The following PUS10 variants were observed in gnomAD, a reference collection of about 807,000 sequenced individuals.
PUS10 encodes tRNA pseudouridine synthase Pus10.
A neutral mutation model predicts 75.0 loss-of-function variants in PUS10; 59 were observed. The observed-to-expected ratio is 0.79, with a 90% confidence interval of 0.64 to 0.98. The LOEUF (loss-of-function observed/expected upper bound fraction) is 0.98. Ranked by LOEUF, PUS10 falls within the 50% of genes least tolerant of loss-of-function variation. The probability of loss-of-function intolerance (pLI) is 0.00; values close to 1 mark genes in which losing one functional copy is unlikely to be tolerated. For missense variants in PUS10, 650 were observed against 614.4 expected (o/e 1.06, Z -0.61); for synonymous variants, 219 against 211.6 (o/e 1.03, Z -0.30).
At chr2:60,967,440 A>G (rs1270180916) in intron 6 of PUS10, 62 bp downstream of exon 6, 1 of 1,144,656 alleles carries the variant, frequency 8.7e-7, no homozygotes, top group African/African-American at 1.6e-5. Flanking sequence ...AAACCCTGCC[A>G]TATAATTAAG....
intron 6 of PUS10, 161 bp from the exon 7 acceptor site, chr2:60,965,645 C>A (rs968945891): frequency 3.9e-6 from 2 of 517,514 alleles, no homozygotes; most frequent in Non-Finnish European, 3.4e-6. Context: ...ATCAGGGCAG[C>A]TGTAAAGGAA....
intron 4 of PUS10, among the ~76,000 whole-genome samples, chr2:60,996,264 T>C (rs374847523): frequency 6.6e-6 from 1 of 152,206 alleles, no homozygotes; most frequent in Admixed American, 6.5e-5. Context: ...TCTTTGATAG[T>C]TGGACTTCTG....
rs1436202622 is a variant in PUS10, at chr2:61,011,771, T to C, written c.120A>G (p.Pro40=). 1.0e-5 allele frequency: 16 copies of C among 1,567,132 alleles called. No individual in the cohort carries two copies. The African/African-American group carries it at 1.1e-4, about 11-fold the overall frequency. The part of the protein sequence containing the change: ...GVDFHAPYKL[P]YKELLNELQK... ...AAAAAAGAAAAGAAAATACCTTGTA[T>C]GGAAGTTTGTAAGGTGCATGAAAAT... Residue 40 remains proline (P), a synonymous_variant, in exon 2 of 18, where the codon CCA becomes CCG. Coordinates refer to ENST00000316752, the MANE Select transcript of PUS10 (RefSeq NM_144709.4).
intron 11 of PUS10, 25 bp downstream of exon 11, chr2:60,960,367 A>C (rs755166989): frequency 4.0e-5 from 59 of 1,484,318 alleles, no homozygotes; most frequent in South Asian, 1.1e-4. Flanking sequence ...AAAAGAAAGA[A>C]AAGTATGAAG....
chr2:61,016,038 C>T (rs1401427521), intron 1 of PUS10, among the ~76,000 whole-genome samples: 1 of 152,116 alleles, frequency 6.6e-6, no homozygotes, highest in East Asian at 1.9e-4. Context: ...TGAAGATTTC[C>T]CTCGATACTT....
Position 61,018,216 on chromosome 2 carries a change from C to A in PUS10, c.-224G>T. Reference sequence around the variant, plus strand: ...TTTGGTCTGTAGCAGTTGAGAGCGGCATTTGTCCAGCCACGGCATCGACAG... The same window carrying A: ...TTTGGTCTGTAGCAGTTGAGAGCGGAATTTGTCCAGCCACGGCATCGACAG... On this transcript the variant is annotated 5_prime_UTR_variant, in exon 1 of 18. The change abolishes an upstream ATG in the 5' untranslated region. Coordinates refer to ENST00000316752, the MANE Select transcript of PUS10 (RefSeq NM_144709.4). 1 of 1,551,008 alleles carries A rather than the reference C, an allele frequency of 6.4e-7. No individual in the cohort carries two copies.
intron 4 of PUS10, among the ~76,000 whole-genome samples, chr2:60,991,846 G>A (rs948507743): frequency 5.9e-5 from 9 of 152,018 alleles, no homozygotes; most frequent in South Asian, 2.1e-4. Flanking sequence ...TAAATATTAC[G>A]AAAATTGGAG....
chr2:61,011,751 A>G lies in PUS10; in HGVS notation c.126+14T>C, dbSNP rs1679614517. 6.7e-7 allele frequency: 1 copy of G among 1,499,978 alleles called. No homozygotes were observed. The highest frequency in any genetic ancestry group is 1.4e-5 in the African/African-American group (1 of 69,570). 92.9% of individuals were successfully genotyped at this position (1,499,978 alleles called of 1,614,324 possible). A position where few individuals can be genotyped will look rare whatever the true frequency, so the allele number is the denominator to read the frequency against. ...CTCTTAATTTGAAAAAAAAAAAAAAAGAAAAGAAAATACCTTGTATGGAAG... is the reference window on the plus strand; with the variant it reads ...CTCTTAATTTGAAAAAAAAAAAAAAGGAAAAGAAAATACCTTGTATGGAAG... On this transcript the variant is annotated intron_variant, in intron 2 of 17. Transcript: ENST00000316752.
At chr2:61,013,659 CA>C (rs1274280517) in intron 1 of PUS10, among the ~76,000 whole-genome samples, 1 of 152,114 alleles carries the variant, frequency 6.6e-6, no homozygotes, top group Non-Finnish European at 1.5e-5. Context: ...TCAGACTAGA[CA>C]AAAAAATCTG....
intron 16 of PUS10, among the ~76,000 whole-genome samples, chr2:60,947,601 G>C (rs1675029231): frequency 6.6e-6 from 1 of 152,102 alleles, no homozygotes; most frequent in Non-Finnish European, 1.5e-5. Context: ...AGGCCGAGGT[G>C]GGCGGATCAC....
intron 4 of PUS10, among the ~76,000 whole-genome samples, chr2:60,994,541 A>G (rs1288687718): frequency 1.3e-5 from 2 of 152,204 alleles, no homozygotes; most frequent in Non-Finnish European, 2.9e-5. Context: ...GTGATGGGAA[A>G]GTGCTAAAAT....
intron 17 of PUS10, 73 bp downstream of exon 17, chr2:60,944,936 G>A: frequency 9.4e-7 from 1 of 1,059,412 alleles, no homozygotes; most frequent in Non-Finnish European, 1.5e-6. Context: ...ATACTAAAAT[G>A]GCTTAATGCC....
intron 10 of PUS10, among the ~76,000 whole-genome samples, chr2:60,960,858 A>C (rs1195355511): frequency 2.0e-5 from 3 of 151,628 alleles, no homozygotes; most frequent in Admixed American, 6.6e-5. Flanking sequence ...AAAAAAAAAA[A>C]AAAACGCAAC....
At chr2:60,978,210 C>T (rs1195729163) in intron 4 of PUS10, among the ~76,000 whole-genome samples, 5 of 151,724 alleles carry the variant, frequency 3.3e-5, no homozygotes, top group African/African-American at 1.2e-4. Flanking sequence ...TCACCTGAGG[C>T]CAGGAGTTCA....
At chr2:61,017,914 G>T in intron 1 of PUS10, 94 bp downstream of exon 1, 1 of 1,477,448 alleles carries the variant, frequency 6.8e-7, no homozygotes. Flanking sequence ...GGCAGGAGGC[G>T]GTTGTAGCGG....
intron 4 of PUS10, among the ~76,000 whole-genome samples, chr2:60,987,246 A>G (rs1677777518): frequency 6.6e-6 from 1 of 152,210 alleles, no homozygotes; most frequent in Non-Finnish European, 1.5e-5. Flanking sequence ...ACCAAGGCAG[A>G]TTTAACCACA....
chr2:60,978,142 G>A (rs1279532331), intron 4 of PUS10, among the ~76,000 whole-genome samples: 5 of 151,978 alleles, frequency 3.3e-5, no homozygotes, highest in Non-Finnish European at 7.4e-5. Context: ...TCACAGGGCA[G>A]GCCGGCTTGG....
chr2:61,006,452 A>C, intron 4 of PUS10, 105 bp downstream of exon 4: 3 of 835,680 alleles, frequency 3.6e-6, no homozygotes, highest in South Asian at 1.7e-5. Flanking sequence ...AAGTAGACAA[A>C]ATGTAAAAAA....
At chr2:61,001,091 C>A (rs1678822099) in intron 4 of PUS10, among the ~76,000 whole-genome samples, 1 of 152,130 alleles carries the variant, frequency 6.6e-6, no homozygotes, top group South Asian at 2.1e-4. Flanking sequence ...TTTTCAGAGC[C>A]CTGCTTTCTC....
Sources: gnomAD v4.1 joint callset for allele counts (sites outside exome capture counted in the v4.1 genomes callset) on GRCh38, gnomAD v4.1.1 for gene constraint, MANE v1.5 for transcripts, NCBI Gene and HGNC (gene_info 2026-07-23, HGNC 2026-07-21) for gene names.